SLX4IP: variants seen among roughly 807,000 people sequenced by gnomAD.
SLX4IP encodes protein SLX4IP.
In SLX4IP, 34 loss-of-function variants were observed where a neutral mutation model predicts 32.9. The ratio of observed to expected loss-of-function variants is 1.03; its 90% CI spans 0.79 to 1.38. The LOEUF (loss-of-function observed/expected upper bound fraction) is 1.38. Ranked by LOEUF, SLX4IP falls within the 40% of genes most tolerant of loss-of-function variation. The probability of loss-of-function intolerance (pLI) is 0.00; values close to 1 mark genes in which losing one functional copy is unlikely to be tolerated. For synonymous variants in SLX4IP, 172 were observed against 171.7 expected (o/e 1.00, Z -0.01); for missense variants, 444 against 479.0 (o/e 0.93, Z 0.68).
At chr20:10,566,594 G>A (rs2066397956) in intron 4 of SLX4IP, among the ~76,000 whole-genome samples, 2 of 152,086 alleles carry the variant, frequency 1.3e-5, no homozygotes, top group South Asian at 4.1e-4. Flanking sequence ...TGTTCTGCTG[G>A]TCGGAGCCTA....
At chr20:10,518,425 C>T (rs6040005) in intron 2 of SLX4IP, among the ~76,000 whole-genome samples, 22,218 of 78,590 alleles carry the variant, frequency 0.28, 3,632 homozygotes, top group South Asian at 0.48. Context: ...CCTTCCTTCC[C>T]TCCCTCCCTC....
intron 4 of SLX4IP, among the ~76,000 whole-genome samples, chr20:10,596,949 G>A (rs2066777768): frequency 6.6e-6 from 1 of 152,144 alleles, no homozygotes; most frequent in South Asian, 2.1e-4. Context: ...AGTGTGTTAG[G>A]AAAAAATTAT....
chr20:10,616,379 A>C (rs1161451685), intron 6 of SLX4IP, among the ~76,000 whole-genome samples: 6 of 12,618 alleles, frequency 4.8e-4, no homozygotes, highest in East Asian at 3.0e-3. Context: ...GTCAAGTCCC[A>C]AAAAAAAAAA....
At chr20:10,471,452 G>A (rs2065424293) in intron 2 of SLX4IP, among the ~76,000 whole-genome samples, 1 of 152,206 alleles carries the variant, frequency 6.6e-6, no homozygotes, top group African/African-American at 2.4e-5. Context: ...GTTATGACCA[G>A]ATGAGCCCAG....
chr20:10,620,493 A>AC (rs2067095624), intron 6 of SLX4IP, among the ~76,000 whole-genome samples: 3 of 152,178 alleles, frequency 2.0e-5, no homozygotes, highest in Non-Finnish European at 4.4e-5. Context: ...ATCACAAACT[A>AC]CAGTTTTCAA....
At chr20:10,598,884 GTTTGCGATTTC>G in intron 5 of SLX4IP, 132 bp downstream of exon 5, 1 of 884,694 alleles carries the variant, frequency 1.1e-6, no homozygotes, top group East Asian at 2.6e-5. Context: ...GTGTCCGAAA[GTTTGCGATTTC>G]TTTCCTCCCA....
chr20:10,616,780 T>C (rs1481408562), intron 6 of SLX4IP, among the ~76,000 whole-genome samples: 1 of 152,226 alleles, frequency 6.6e-6, no homozygotes, highest in East Asian at 1.9e-4. Flanking sequence ...TAGCACCCCA[T>C]GGCCCTTTAG....
chr20:10,609,157 T>A (rs2122558075), intron 6 of SLX4IP, among the ~76,000 whole-genome samples: 1 of 152,196 alleles, frequency 6.6e-6, no homozygotes, highest in East Asian at 1.9e-4. Context: ...AGACTCACAT[T>A]GAGATACGGC....
intron 4 of SLX4IP, among the ~76,000 whole-genome samples, chr20:10,587,069 A>G (rs993280337): frequency 2.2e-4 from 33 of 152,026 alleles, no homozygotes; most frequent in Non-Finnish European, 2.8e-4. Flanking sequence ...AAAAGAAAAG[A>G]AAAAAACAGG....
Position 10,627,181 on chromosome 20 carries a change from A to G in SLX4IP, c.*3802A>G, listed in dbSNP as rs964015695. ...AACAGATGCCTTTCCTAAGAACTCA[A>G]AGTTCTCTTTTCAGCGTGCTGTGAC... On this transcript the variant is annotated 3_prime_UTR_variant, in exon 8 of 8. Coordinates refer to ENST00000334534, the MANE Select transcript of SLX4IP (RefSeq NM_001009608.3). 6.6e-6 allele frequency: 1 copy of G among 152,208 alleles called. No individual in the cohort carries two copies. The highest frequency in any genetic ancestry group is 1.5e-5 in the Non-Finnish European group (1 of 68,036). 9.4% of individuals were successfully genotyped at this position (152,208 alleles called of 1,614,324 possible).
intron 2 of SLX4IP, among the ~76,000 whole-genome samples, chr20:10,488,739 A>G (rs2065594730): frequency 6.6e-6 from 1 of 152,228 alleles, no homozygotes; most frequent in African/African-American, 2.4e-5. Flanking sequence ...ATATTTCTTA[A>G]TATAGCTAAA....
chr20:10,601,073 A>C (rs535466009), intron 5 of SLX4IP, among the ~76,000 whole-genome samples: 1 of 152,322 alleles, frequency 6.6e-6, no homozygotes, highest in South Asian at 2.1e-4. Context: ...TGATTTATTC[A>C]GTCTTTCCCA....
chr20:10,537,385 G>C (rs935264055), intron 2 of SLX4IP, among the ~76,000 whole-genome samples: 1 of 152,176 alleles, frequency 6.6e-6, no homozygotes, highest in Non-Finnish European at 1.5e-5. Context: ...AGTCAACTAA[G>C]TGGGCTTTGT....
chr20:10,598,794 T>C, intron 5 of SLX4IP, 42 bp downstream of exon 5: 14 of 1,582,406 alleles, frequency 8.8e-6, no homozygotes, highest in Non-Finnish European at 1.2e-5. Flanking sequence ...TTTCACACAA[T>C]CTGCTTGCCC....
At chr20:10,601,584 A>G (rs995701509) in intron 5 of SLX4IP, 147 bp from the exon 6 acceptor site, 4 of 640,670 alleles carry the variant, frequency 6.2e-6, no homozygotes, top group Non-Finnish European at 1.1e-5. Flanking sequence ...GACGGCAAAC[A>G]CCGAAAGGAT....
chr20:10,476,706 G>A (rs1392762229), intron 2 of SLX4IP, among the ~76,000 whole-genome samples: 6 of 152,098 alleles, frequency 3.9e-5, no homozygotes, highest in Non-Finnish European at 8.8e-5. Flanking sequence ...CCAGAGAAGG[G>A]TGCTTTCTGT....
At chr20:10,619,317 T>C (rs1374484084) in intron 6 of SLX4IP, among the ~76,000 whole-genome samples, 1 of 151,994 alleles carries the variant, frequency 6.6e-6, no homozygotes, top group Non-Finnish European at 1.5e-5. Context: ...GTCCTTTTTC[T>C]TCCAAGGACA....
At chr20:10,458,488 A>T (rs1019961012) in intron 2 of SLX4IP, among the ~76,000 whole-genome samples, 2 of 152,188 alleles carry the variant, frequency 1.3e-5, no homozygotes, top group East Asian at 1.9e-4. Flanking sequence ...CCCAGTGTCC[A>T]TTAGCTATTC....
chr20:10,621,388 G>T lies in SLX4IP; in HGVS notation c.480G>T (p.Lys160Asn). Residue 160 changes from lysine to asparagine, a missense_variant, in exon 7 of 8, where the codon AAG becomes AAT. Coordinates refer to ENST00000334534, the MANE Select transcript of SLX4IP (RefSeq NM_001009608.3). ...CAESSLPPSA[K>N]LRRNALKEIV... ...AGAGTTCACTTCCTCCCAGTGCAAA[G>T]CTCCGGAGAAATGCTCTGAAAGAAA... The T allele has an allele frequency of 6.2e-7, 1 of 1,614,158 alleles. No individual in the cohort carries two copies.
Sources: allele counts gnomAD v4.1 joint callset (sites outside exome capture counted in the v4.1 genomes callset), GRCh38; gene constraint gnomAD v4.1.1; transcripts MANE v1.5; gene names NCBI Gene and HGNC (gene_info 2026-07-23, HGNC 2026-07-21).